The following SUN1 variants were observed in gnomAD, a reference collection of about 807,000 sequenced individuals.
SUN1 encodes the protein Sad1 and UNC84 domain containing 1, also known as SUN domain-containing protein 1.
A neutral mutation model predicts 103.2 loss-of-function variants in SUN1; 61 were observed. That is an observed-to-expected ratio of 0.59 (90% CI 0.48 to 0.73). The LOEUF (loss-of-function observed/expected upper bound fraction) is 0.73, where lower values mean the gene tolerates loss of function less well. SUN1 is among the 30% of genes least tolerant of loss of function. SUN1 has a pLI of 0.00. For missense variants in SUN1, 1,052 were observed against 1,034.6 expected (o/e 1.02, Z -0.23); for synonymous variants, 490 against 425.7 (o/e 1.15, Z -1.86).
intron 16 of SUN1, chr7:868,429 C>T (rs1229905201): frequency 2.1e-5 from 6 of 282,608 alleles, no homozygotes; most frequent in African/African-American, 9.1e-5. Context: ...GCACCGTGGC[C>T]GGGTTAGGTT....
Position 860,532 on chromosome 7 carries a change from C to G in SUN1, c.1779+150C>G, listed in dbSNP as rs549573767. 10 of 1,330,998 alleles carry G rather than the reference C, an allele frequency of 7.5e-6. No homozygotes were observed. The East Asian group carries it at 2.4e-4, about 32-fold the overall frequency. 82.4% of individuals were successfully genotyped at this position (1,330,998 alleles called of 1,614,324 possible). On this transcript the variant is annotated intron_variant, in intron 14 of 18. Transcript: ENST00000401592. ...CTGACGTAAGTGAGATGAGACGTGC[C>G]TGGGCAGTGCCGTGTGTGGAGGGGG...
At chr7:862,369 G>T (rs1013536932) in intron 15 of SUN1, among the ~76,000 whole-genome samples, 1 of 152,266 alleles carries the variant, frequency 6.6e-6, no homozygotes, top group South Asian at 2.1e-4. Context: ...AATCCCATTA[G>T]TACGGGAGCA....
chr7:826,607 G>C (rs573949253), intron 1 of SUN1, among the ~76,000 whole-genome samples: 1 of 152,314 alleles, frequency 6.6e-6, no homozygotes, highest in South Asian at 2.1e-4. Flanking sequence ...ACAGAGTTTT[G>C]CAGGTTTGAG....
intron 5 of SUN1, among the ~76,000 whole-genome samples, chr7:844,628 A>G (rs1317190828): frequency 1.3e-5 from 2 of 152,212 alleles, no homozygotes; most frequent in African/African-American, 4.8e-5. Flanking sequence ...GGGGCCGGGA[A>G]AGGTGGCGGG....
Position 873,399 on chromosome 7 carries a change from A to T in SUN1, c.*68A>T. 1.5e-6 allele frequency: 2 copies of T among 1,375,120 alleles called. No individual in the cohort carries two copies. The highest frequency in any genetic ancestry group is 1.0e-6 in the Non-Finnish European group (1 of 966,376). The allele number at this position is 1,375,120 out of a possible 1,614,324, so 85.2% of individuals were successfully genotyped here. A position where few individuals can be genotyped will look rare whatever the true frequency, so the allele number is the denominator to read the frequency against. On this transcript the variant is annotated 3_prime_UTR_variant, in exon 19 of 19. Coordinates refer to ENST00000401592, the MANE Select transcript of SUN1 (RefSeq NM_001130965.3). ...ACAGCGTGAAACACTGGAATCCTTCATGGACGAGGGCATATACAATGATGG... is the reference window on the plus strand; with the variant it reads ...ACAGCGTGAAACACTGGAATCCTTCTTGGACGAGGGCATATACAATGATGG...
chr7:832,306 T>C (rs776753271), upstream of SUN1, among the ~76,000 whole-genome samples: 2 of 152,198 alleles, frequency 1.3e-5, no homozygotes, highest in African/African-American at 4.8e-5. Context: ...TAGATTATGA[T>C]AGAAGTGTTC....
intron 11 of SUN1, among the ~76,000 whole-genome samples, chr7:856,135 G>T (rs910247245): frequency 6.6e-6 from 1 of 152,208 alleles, no homozygotes. Flanking sequence ...TTCTGAGCCC[G>T]CCAGGCCGTT....
chr7:849,562 T>C (rs756100942), intron 5 of SUN1: 34 of 1,410,910 alleles, frequency 2.4e-5, no homozygotes, highest in Non-Finnish European at 3.1e-5. Flanking sequence ...AGAGAGGTTC[T>C]CAGAGAGGAT....
intron 1 of SUN1, chr7:817,491 C>G (rs1005261897): frequency 3.3e-6 from 5 of 1,536,002 alleles, no homozygotes; most frequent in Admixed American, 2.0e-5. Flanking sequence ...CCAGGGCTCC[C>G]CAGGACAGGT....
intron 1 of SUN1, among the ~76,000 whole-genome samples, chr7:823,344 A>G (rs139853979): frequency 1.3e-5 from 2 of 152,306 alleles, no homozygotes; most frequent in East Asian, 3.9e-4. Flanking sequence ...GATGAGGCCC[A>G]TGGGGGCTTC....
chr7:848,663 A>C (rs1818898492), intron 5 of SUN1: 1 of 1,246,534 alleles, frequency 8.0e-7, no homozygotes, highest in Non-Finnish European at 1.0e-6. Context: ...ACACTTTCGC[A>C]GTGGAGAAAG....
chr7:866,028 G>A lies in SUN1; in HGVS notation c.1941G>A (p.Pro647=), dbSNP rs199720270. 63 of 1,614,088 alleles carry A rather than the reference G, an allele frequency of 3.9e-5. No homozygotes were observed. The highest frequency in any genetic ancestry group is 3.3e-5 in the South Asian group (3 of 91,078). Residue 647 remains proline, a synonymous_variant, in exon 16 of 19, where the codon CCG becomes CCA. Transcript: ENST00000401592. ...KTALMSLFGI[P]LWYFSQSPRV... The stretch of plus-strand genomic sequence containing the variant: ...CGCTGATGAGTCTGTTTGGGATCCC[G>A]CTGTGGTACTTCTCGCAGTCCCCGC...
Position 855,023 on chromosome 7 carries a change from T to C in SUN1, c.1350+17T>C. 1 of 1,576,154 alleles carries C rather than the reference T, an allele frequency of 6.3e-7. No individual in the cohort carries two copies. Among genetic ancestry groups the C allele is most frequent in the Non-Finnish European group, 8.7e-7 (1 of 1,152,366 alleles). On this transcript the variant is annotated intron_variant, in intron 11 of 18. Transcript: ENST00000401592. ...AAATCTGAGGTATTTATTTTTGACC[T>C]TACGCTTTTTTAAAATAAAAAGAAA...
At chr7:848,923 C>G (rs1282014779) in intron 5 of SUN1, among the ~76,000 whole-genome samples, 1 of 152,190 alleles carries the variant, frequency 6.6e-6, no homozygotes, top group African/African-American at 2.4e-5. Flanking sequence ...AAAACTTTAC[C>G]TGAGTGGTAT....
At chr7:823,372 G>C (rs967753470) in intron 1 of SUN1, among the ~76,000 whole-genome samples, 1 of 152,200 alleles carries the variant, frequency 6.6e-6, no homozygotes, top group Non-Finnish European at 1.5e-5. Flanking sequence ...TGGTATCTCT[G>C]CTGAACATTA....
chr7:832,620 G>C lies in SUN1; in HGVS notation c.77+19G>C. On this transcript the variant is annotated intron_variant, in intron 1 of 18. Transcript: ENST00000401592. ...CGCTCAGGTGAGTGTGCACCTGCACGTGGGGTCCTGGCCTTGCAATGCCCA... is the reference window on the plus strand; with the variant it reads ...CGCTCAGGTGAGTGTGCACCTGCACCTGGGGTCCTGGCCTTGCAATGCCCA... 3 of 1,601,492 alleles carry C rather than the reference G, an allele frequency of 1.9e-6. No homozygotes were observed. Among genetic ancestry groups the C allele is most frequent in the Non-Finnish European group, 2.6e-6 (3 of 1,173,020 alleles).
At chr7:825,768 C>T (rs189836606) in intron 1 of SUN1, among the ~76,000 whole-genome samples, 2 of 152,190 alleles carry the variant, frequency 1.3e-5, no homozygotes, top group African/African-American at 4.8e-5. Flanking sequence ...TGGAAAACAT[C>T]TATTTCTAAG....
At chr7:843,082 A>G in intron 3 of SUN1, 124 bp from the exon 4 acceptor site, 1 of 1,369,636 alleles carries the variant, frequency 7.3e-7, no homozygotes, top group Non-Finnish European at 1.0e-6. Context: ...ATAAACTGTG[A>G]CCAGTGCCAT....
At chr7:872,654 A>G (rs1040987081) in intron 18 of SUN1, 92 bp downstream of exon 18, 2 of 984,370 alleles carry the variant, frequency 2.0e-6, no homozygotes, top group African/African-American at 1.6e-5. Flanking sequence ...ACTGGAAAGC[A>G]GCGTGAGGAC....
Sources: allele counts gnomAD v4.1 joint callset (sites outside exome capture counted in the v4.1 genomes callset), GRCh38; gene constraint gnomAD v4.1.1; transcripts MANE v1.5; gene names NCBI Gene and HGNC (gene_info 2026-07-23, HGNC 2026-07-21).